Variants in STRN observed in about 807,000 individuals in gnomAD.
STRN encodes striatin.
Under a neutral mutation model 96.3 loss-of-function variants are expected in STRN, and 53 were observed. The ratio of observed to expected loss-of-function variants is 0.55; its 90% confidence interval spans 0.44 to 0.69. STRN has a LOEUF of 0.69. Among genes scored for constraint, STRN ranks in the 30% least tolerant of loss-of-function variants. STRN has a pLI of 0.00. For synonymous variants in STRN, 428 were observed against 355.9 expected, an observed-to-expected ratio of 1.20 and a Z score of -2.28; for missense variants, 987 against 963.9, an observed-to-expected ratio of 1.02 and a Z score of -0.32.
chr2:36,942,638 C>A (rs1336566664), intron 1 of STRN, among the ~76,000 whole-genome samples: 1 of 152,148 alleles, frequency 6.6e-6, no homozygotes, highest in Non-Finnish European at 1.5e-5. Flanking sequence ...ATACCACGAA[C>A]AAGGTATGAG....
intron 2 of STRN, among the ~76,000 whole-genome samples, chr2:36,924,172 T>C (rs1004564304): frequency 6.6e-6 from 1 of 152,008 alleles, no homozygotes; most frequent in Admixed American, 6.6e-5. Context: ...CTGGCTCACA[T>C]GGTGAAACCC....
In STRN at chr2:36,889,371, ATTCT is replaced by A. The variant is rs1229904706; in HGVS notation, c.932-2549_932-2546del. On this transcript the variant is annotated intron_variant, in intron 7 of 17. Transcript: ENST00000263918. ...ACTATAATCTATCAATAGGAGAAAC[ATTCT>A]TTATTTTCCCAGAAAGACATAACAA... Among the ~76,000 whole-genome samples the A allele has an allele frequency of 3.9e-5, 6 of 152,158 alleles. No homozygotes were observed. In the East Asian group the frequency reaches 5.8e-4, roughly 15 times the overall value.
intron 9 of STRN, among the ~76,000 whole-genome samples, chr2:36,883,256 G>A (rs1229213813): frequency 6.6e-6 from 1 of 151,988 alleles, no homozygotes; most frequent in East Asian, 1.9e-4. Context: ...GGAATTCGAG[G>A]CCAGCCTGGC....
chr2:36,861,349 C>T (rs1572628706), intron 12 of STRN, 96 bp from the exon 13 acceptor site: 3 of 1,462,214 alleles, frequency 2.1e-6, no homozygotes, highest in Admixed American at 4.4e-5. Flanking sequence ...ACCCAAATGG[C>T]TATTTTTCTG....
At chr2:36,915,778 T>C (rs1188625194) in intron 3 of STRN, among the ~76,000 whole-genome samples, 1 of 152,194 alleles carries the variant, frequency 6.6e-6, no homozygotes, top group Non-Finnish European at 1.5e-5. Flanking sequence ...CCATTAACTC[T>C]GGGCAGACCC....
rs550521181 is a variant in STRN at position 36,966,094 on chromosome 2, G to A, written c.234+136C>T. ...CAAAAGGCGAAGAGAAGAAGGGGAC[G>A]GGGCTCCGGGTGGGATGGGCGGCAG... On this transcript the variant is annotated intron_variant, in intron 1 of 17. Coordinates refer to ENST00000263918, the MANE Select transcript of STRN (RefSeq NM_003162.4). 83 of 1,022,760 alleles carry A rather than the reference G, an allele frequency of 8.1e-5. No individual in the cohort carries two copies. In the Middle Eastern group the frequency reaches 1.3e-3, roughly 16 times the overall value. The allele number at this position is 1,022,760 out of a possible 1,614,324, so 63.4% of individuals were successfully genotyped here. A position where few individuals can be genotyped will look rare whatever the true frequency, so the allele number is the denominator to read the frequency against.
At chr2:36,862,957 T>C (rs1247689895) in intron 12 of STRN, among the ~76,000 whole-genome samples, 1 of 152,132 alleles carries the variant, frequency 6.6e-6, no homozygotes, top group African/African-American at 2.4e-5. Flanking sequence ...TCTCCTGACC[T>C]CATGATCCGC....
chr2:36,867,213 C>T, intron 12 of STRN, among the ~76,000 whole-genome samples: 1 of 151,982 alleles, frequency 6.6e-6, no homozygotes, highest in East Asian at 1.9e-4. Flanking sequence ...CGGCCAGGTG[C>T]CTGTAATCCT....
At chr2:36,896,997 G>C (rs1049848960) in intron 6 of STRN, among the ~76,000 whole-genome samples, 5 of 152,010 alleles carry the variant, frequency 3.3e-5, no homozygotes, top group African/African-American at 9.7e-5. Context: ...GAGAAACCCT[G>C]TCTCTACTAA....
intron 1 of STRN, among the ~76,000 whole-genome samples, chr2:36,957,672 C>CAA (rs78178182): frequency 7.0e-6 from 1 of 142,282 alleles, no homozygotes; most frequent in Non-Finnish European, 1.5e-5. Flanking sequence ...AAAAAACAAA[C>CAA]AAAAAAAAAC....
At chr2:36,960,684 C>T (rs531918847) in intron 1 of STRN, among the ~76,000 whole-genome samples, 11 of 151,960 alleles carry the variant, frequency 7.2e-5, no homozygotes, top group Non-Finnish European at 1.2e-4. Flanking sequence ...GTATTTTAGG[C>T]GTAAAATACA....
chr2:36,873,374 T>G (rs1274673261), intron 10 of STRN, among the ~76,000 whole-genome samples: 1 of 152,152 alleles, frequency 6.6e-6, no homozygotes, highest in Non-Finnish European at 1.5e-5. Context: ...GTAAAAGAAC[T>G]ACAGACTTTC....
intron 1 of STRN, among the ~76,000 whole-genome samples, chr2:36,965,796 G>C (rs901676421): frequency 6.6e-6 from 1 of 152,238 alleles, no homozygotes; most frequent in Non-Finnish European, 1.5e-5. Flanking sequence ...CTTCCTTGAA[G>C]AGAGGGGCCA....
intron 1 of STRN, 62 bp downstream of exon 1, chr2:36,966,168 G>C: frequency 7.1e-7 from 1 of 1,412,092 alleles, no homozygotes; most frequent in East Asian, 3.0e-5. Flanking sequence ...AGAAGGGTCC[G>C]GGGCGGGGCG....
intron 9 of STRN, among the ~76,000 whole-genome samples, chr2:36,881,545 C>A (rs915740824): frequency 6.6e-6 from 1 of 152,160 alleles, no homozygotes; most frequent in Non-Finnish European, 1.5e-5. Context: ...CAGTTATAGA[C>A]AATTAAATAT....
intron 1 of STRN, among the ~76,000 whole-genome samples, chr2:36,960,881 TTTTGTTTG>T (rs911457886): frequency 6.6e-6 from 1 of 152,030 alleles, no homozygotes; most frequent in Non-Finnish European, 1.5e-5. Flanking sequence ...ATCCATGTAT[TTTTGTTTG>T]TTTGTTTGTT....
At position 36,945,392 on chromosome 2, in the gene STRN, G is replaced by C. The variant is rs188719167; in HGVS notation, c.235-20184C>G. 4.6e-3 allele frequency among the ~76,000 whole-genome samples: 702 copies of C among 152,290 alleles called. 3 individuals are homozygous for C. The highest frequency in any genetic ancestry group is 7.7e-3 in the Admixed American group (118 of 15,300). ...TTATATTTAAGAATGCAGAGGTCAG[G>C]CATGGTGGCTCGCGCCTGTAATCCC... is the stretch of plus-strand genomic sequence containing the variant. On this transcript the variant is annotated intron_variant, in intron 1 of 17. Transcript: ENST00000263918.
At chr2:36,944,033 T>C (rs1420275476) in intron 1 of STRN, among the ~76,000 whole-genome samples, 3 of 152,042 alleles carry the variant, frequency 2.0e-5, no homozygotes, top group Non-Finnish European at 2.9e-5. Context: ...GGCAGGAGAA[T>C]TGCTTGAACT....
rs2148119340 is a variant in STRN, at chr2:36,847,400, G to A, written c.*2056C>T. The A allele has an allele frequency of 6.6e-6, 1 of 152,000 alleles. No individual in the cohort carries two copies. Among genetic ancestry groups the A allele is most frequent in the South Asian group, 2.1e-4 (1 of 4,816 alleles). The allele number at this position is 152,000 out of a possible 1,614,324, so 9.4% of individuals were successfully genotyped here. Reference sequence around the variant, plus strand: ...ATGGCATCTTCCTTCCTTCCTTCCTGGAAGGAATTTTCCAGTATCCTTCTA... The same window carrying A: ...ATGGCATCTTCCTTCCTTCCTTCCTAGAAGGAATTTTCCAGTATCCTTCTA... On this transcript the variant is annotated 3_prime_UTR_variant, in exon 18 of 18. Coordinates refer to ENST00000263918, the MANE Select transcript of STRN (RefSeq NM_003162.4).
Sources: allele counts gnomAD v4.1 joint callset (sites outside exome capture counted in the v4.1 genomes callset), GRCh38; gene constraint gnomAD v4.1.1; transcripts MANE v1.5; gene names NCBI Gene and HGNC (gene_info 2026-07-23, HGNC 2026-07-21).